Variants in FER1L6 observed in about 807,000 individuals in gnomAD.
FER1L6 encodes the protein fer-1 like family member 6, also known as fer-1-like protein 6.
A neutral mutation model predicts 219.2 loss-of-function variants in FER1L6; 177 were observed. That is an observed-to-expected ratio of 0.81 (90% CI 0.71 to 0.91). The LOEUF (loss-of-function observed/expected upper bound fraction) is 0.91, where lower values mean the gene tolerates loss of function less well. Ranked by LOEUF, FER1L6 falls within the 40% of genes least tolerant of loss-of-function variation. The probability of loss-of-function intolerance (pLI) is 0.00; values close to 1 mark genes in which losing one functional copy is unlikely to be tolerated. For synonymous variants in FER1L6, 768 were observed against 824.3 expected, an observed-to-expected ratio of 0.93 and a Z score of 1.17; for missense variants, 2,153 against 2,259.9, an observed-to-expected ratio of 0.95 and a Z score of 0.96.
intron 33 of FER1L6, among the ~76,000 whole-genome samples, chr8:124,086,427 A>G (rs1821786588): frequency 6.6e-6 from 1 of 151,538 alleles, no homozygotes; most frequent in African/African-American, 2.4e-5. Flanking sequence ...TAAGCTGATA[A>G]CACTAACTGC....
chr8:123,878,885 A>T (rs554607990), intron 1 of FER1L6, among the ~76,000 whole-genome samples: 1 of 152,342 alleles, frequency 6.6e-6, no homozygotes, highest in Admixed American at 6.5e-5. Flanking sequence ...GAATGAAACA[A>T]TGTTAATAGA....
At chr8:124,033,678 C>T (rs1329933300) in intron 18 of FER1L6, among the ~76,000 whole-genome samples, 1 of 152,204 alleles carries the variant, frequency 6.6e-6, no homozygotes, top group Non-Finnish European at 1.5e-5. Context: ...ACAGAGTAAG[C>T]ACTTGCTAAA....
chr8:124,084,831 G>A (rs189336884), intron 33 of FER1L6, among the ~76,000 whole-genome samples: 31 of 152,126 alleles, frequency 2.0e-4, no homozygotes, highest in Non-Finnish European at 4.1e-4. Context: ...TTTCAGATTG[G>A]TATTAGTTCT....
intron 12 of FER1L6, among the ~76,000 whole-genome samples, chr8:123,993,239 G>A (rs1277849038): frequency 4.6e-5 from 7 of 151,870 alleles, no homozygotes; most frequent in Admixed American, 1.3e-4. Flanking sequence ...TCAGGAGATC[G>A]AGACCATCCC....
chr8:124,079,464 A>T (rs929968141), intron 32 of FER1L6, among the ~76,000 whole-genome samples: 8 of 6,830 alleles, frequency 1.2e-3, no homozygotes, highest in Admixed American at 6.9e-3. Flanking sequence ...ATTACATCTA[A>T]AAAAATGCCA....
chr8:124,075,021 A>T (rs1221233216), intron 31 of FER1L6, among the ~76,000 whole-genome samples: 1 of 152,204 alleles, frequency 6.6e-6, no homozygotes, highest in Non-Finnish European at 1.5e-5. Flanking sequence ...TGAGTCACTG[A>T]GTGGTGAGTG....
chr8:124,030,117 G>GGTCT, intron 18 of FER1L6, among the ~76,000 whole-genome samples: 1 of 152,170 alleles, frequency 6.6e-6, no homozygotes, highest in South Asian at 2.1e-4. Flanking sequence ...CTGTTCCATT[G>GGTCT]GTCTATATGT....
At chr8:124,093,181 TA>T (rs1822121255) in intron 34 of FER1L6, among the ~76,000 whole-genome samples, 1 of 151,952 alleles carries the variant, frequency 6.6e-6, no homozygotes. Context: ...AGAACAGCAC[TA>T]GGGGGATTGT....
chr8:123,893,702 G>A (rs1812690501), intron 1 of FER1L6, among the ~76,000 whole-genome samples: 1 of 152,098 alleles, frequency 6.6e-6, no homozygotes, highest in African/African-American at 2.4e-5. Flanking sequence ...GACTAAAATG[G>A]CCTTGTGAGA....
At position 123,905,240 on chromosome 8, in the gene FER1L6, C is replaced by A. The variant is rs556784026; in HGVS notation, c.-7-50752C>A. On this transcript the variant is annotated intron_variant, in intron 1 of 40. Coordinates refer to ENST00000522917, the MANE Select transcript of FER1L6 (RefSeq NM_001039112.2). ...ATTTATCCTGATACTCTCCCTCCCCCCAACACCCCTGGCAGGCCACAGTGT... is the reference window on the plus strand; with the variant it reads ...ATTTATCCTGATACTCTCCCTCCCCACAACACCCCTGGCAGGCCACAGTGT... 5.3e-5 allele frequency among the ~76,000 whole-genome samples: 8 copies of A among 152,244 alleles called. No homozygotes were observed. The East Asian group carries it at 1.2e-3, about 22-fold the overall frequency.
At chr8:123,856,331 T>C (rs1816648703) in intron 1 of FER1L6, among the ~76,000 whole-genome samples, 2 of 129,014 alleles carry the variant, frequency 1.6e-5, no homozygotes, top group South Asian at 5.0e-4. Context: ...TATATATATA[T>C]ATATATATAT....
At chr8:124,037,693 A>T (rs1466156559) in intron 19 of FER1L6, among the ~76,000 whole-genome samples, 1 of 152,188 alleles carries the variant, frequency 6.6e-6, no homozygotes, top group Non-Finnish European at 1.5e-5. Context: ...GTCCCCATGC[A>T]GCCAGACAGT....
chr8:124,060,190 C>G lies in FER1L6; in HGVS notation c.2885C>G (p.Ser962Cys). Residue 962 changes from serine to cysteine, a missense_variant, in exon 23 of 41, where the codon TCT becomes TGT. Physicochemically the swap from Ser to Cys is moderately radical, Grantham distance 112. Transcript: ENST00000522917. ...TGCCTTGTGCGGTAGGTTCCTCCTT[C>G]TGGGCTGCAAGGCCTCCCACCCGTT... ...AVFELLQVPP[S>C]GLQGLPPVEP... is the part of the protein sequence containing the mutation. 6.2e-7 allele frequency: 1 copy of G among 1,613,994 alleles called. No homozygotes were observed.
At chr8:124,094,416 A>G (rs1444296708) in intron 34 of FER1L6, among the ~76,000 whole-genome samples, 2 of 151,094 alleles carry the variant, frequency 1.3e-5, no homozygotes, top group Non-Finnish European at 3.0e-5. Context: ...CTTCCCTTCT[A>G]TCTCTCCACC....
At chr8:124,013,624 C>T in intron 15 of FER1L6, 93 bp downstream of exon 15, 1 of 733,864 alleles carries the variant, frequency 1.4e-6, no homozygotes, top group Non-Finnish European at 2.2e-6. Flanking sequence ...CACATGCATT[C>T]AAATGGGTGT....
At chr8:124,036,766 T>C (rs571237657) in intron 19 of FER1L6, among the ~76,000 whole-genome samples, 10 of 152,338 alleles carry the variant, frequency 6.6e-5, no homozygotes, top group South Asian at 6.2e-4. Context: ...GGAAAGACTT[T>C]TCCTAGTGCT....
At chr8:124,101,659 G>T (rs987055951) in intron 38 of FER1L6, among the ~76,000 whole-genome samples, 1 of 152,144 alleles carries the variant, frequency 6.6e-6, no homozygotes, top group Non-Finnish European at 1.5e-5. Context: ...AGAGAGGGGC[G>T]GAGCTGTAAT....
chr8:123,952,618 G>C (rs1419621695), intron 1 of FER1L6, among the ~76,000 whole-genome samples: 1 of 152,142 alleles, frequency 6.6e-6, no homozygotes, highest in Non-Finnish European at 1.5e-5. Flanking sequence ...GGTGGTTGGG[G>C]ATGTGGTGGC....
intron 39 of FER1L6, among the ~76,000 whole-genome samples, chr8:124,106,377 G>C (rs1822778136): frequency 1.4e-5 from 2 of 141,180 alleles, no homozygotes; most frequent in Non-Finnish European, 3.1e-5. Context: ...TGGACGTTAT[G>C]ATATATGAAT....
Sources: gnomAD v4.1 joint callset for allele counts (sites outside exome capture counted in the v4.1 genomes callset) on GRCh38, gnomAD v4.1.1 for gene constraint, MANE v1.5 for transcripts, NCBI Gene and HGNC (gene_info 2026-07-23, HGNC 2026-07-21) for gene names.